The following ADAMTS19 variants were observed in gnomAD, a reference collection of about 807,000 sequenced individuals.
ADAMTS19 encodes the protein ADAM metallopeptidase with thrombospondin type 1 motif 19.
In ADAMTS19, 93 loss-of-function variants were observed where a neutral mutation model predicts 153.3. That is an observed-to-expected ratio of 0.61 (90% CI 0.51 to 0.72). ADAMTS19 has a LOEUF of 0.72. ADAMTS19 is among the 30% of genes least tolerant of loss of function. The pLI is 0.00. For missense variants in ADAMTS19, 1,482 were observed against 1,552.1 expected (o/e 0.95, Z 0.76); for synonymous variants, 600 against 556.6 (o/e 1.08, Z -1.10).
At position 129,720,182 on chromosome 5, in the gene ADAMTS19, T is replaced by A. The variant is rs1006036794; in HGVS notation, c.3313-14750T>A. Among the ~76,000 whole-genome samples, 377 of 148,940 alleles carry A rather than the reference T, an allele frequency of 2.5e-3. 1 individual carries two copies. The highest frequency in any genetic ancestry group is 4.2e-3 in the Non-Finnish European group (280 of 67,370). Reference sequence around the variant, plus strand: ...TATATATATATATATTTATTTTTTTTTTTTTTGGAGACAAAGTCTTGCTCT... The same window carrying A: ...TATATATATATATATTTATTTTTTTATTTTTTGGAGACAAAGTCTTGCTCT... On this transcript the variant is annotated intron_variant, in intron 21 of 22. Coordinates refer to ENST00000274487, the MANE Select transcript of ADAMTS19 (RefSeq NM_133638.6).
At chr5:129,513,097 A>G (rs575675834) in intron 3 of ADAMTS19, among the ~76,000 whole-genome samples, 3 of 152,082 alleles carry the variant, frequency 2.0e-5, no homozygotes, top group Non-Finnish European at 4.4e-5. Context: ...TCTGAAACTG[A>G]ACCCATCATC....
chr5:129,731,211 G>C (rs1291784445), intron 21 of ADAMTS19, among the ~76,000 whole-genome samples: 1 of 152,036 alleles, frequency 6.6e-6, no homozygotes, highest in Non-Finnish European at 1.5e-5. Context: ...GCCGGCCTCA[G>C]CCTCCCAAAG....
chr5:129,689,714 C>T (rs896830080), intron 18 of ADAMTS19, among the ~76,000 whole-genome samples: 2 of 152,118 alleles, frequency 1.3e-5, no homozygotes, highest in Non-Finnish European at 2.9e-5. Context: ...CATGAGCCAC[C>T]GTGCCTGGCC....
intron 21 of ADAMTS19, 94 bp from the exon 22 acceptor site, chr5:129,734,838 G>A (rs974377075): frequency 8.0e-6 from 9 of 1,128,320 alleles, no homozygotes; most frequent in Non-Finnish European, 1.1e-5. Flanking sequence ...TTAATTTTAA[G>A]AAACATTTAG....
At chr5:129,493,242 A>G (rs1377277972) in intron 2 of ADAMTS19, among the ~76,000 whole-genome samples, 10 of 152,104 alleles carry the variant, frequency 6.6e-5, no homozygotes. Flanking sequence ...TTTATGTGCT[A>G]TTTTTAATTG....
intron 6 of ADAMTS19, among the ~76,000 whole-genome samples, chr5:129,538,168 T>C (rs1440861136): frequency 6.6e-6 from 1 of 152,108 alleles, no homozygotes; most frequent in Non-Finnish European, 1.5e-5. Flanking sequence ...AATTTTCTCT[T>C]ATTACAAATG....
chr5:129,624,083 C>T (rs371662586), intron 10 of ADAMTS19, among the ~76,000 whole-genome samples: 5 of 140,400 alleles, frequency 3.6e-5, no homozygotes, highest in Admixed American at 7.5e-5. Flanking sequence ...GCCGAGAACG[C>T]GCCACTGCAC....
intron 3 of ADAMTS19, among the ~76,000 whole-genome samples, chr5:129,511,816 A>G (rs191061419): frequency 6.6e-6 from 1 of 152,074 alleles, no homozygotes; most frequent in African/African-American, 2.4e-5. Flanking sequence ...TTCACTTATC[A>G]TATACAAAAT....
chr5:129,506,033 C>T (rs550301013), intron 2 of ADAMTS19, among the ~76,000 whole-genome samples: 81 of 152,296 alleles, frequency 5.3e-4, no homozygotes, highest in Non-Finnish European at 1.0e-3. Flanking sequence ...TTGCCCAGCA[C>T]AGGGGCACTT....
At chr5:129,520,098 T>C (rs573724349) in intron 3 of ADAMTS19, among the ~76,000 whole-genome samples, 1 of 152,272 alleles carries the variant, frequency 6.6e-6, no homozygotes, top group East Asian at 1.9e-4. Context: ...TTTTTGTGCA[T>C]ATTTAGAGAA....
At chr5:129,574,274 CT>C (rs944897409) in intron 7 of ADAMTS19, among the ~76,000 whole-genome samples, 3 of 151,910 alleles carry the variant, frequency 2.0e-5, no homozygotes, top group Non-Finnish European at 4.4e-5. Context: ...AGACAACTAA[CT>C]TTTTTTTCGG....
chr5:129,674,960 G>A (rs541705364), intron 16 of ADAMTS19, among the ~76,000 whole-genome samples: 10 of 151,810 alleles, frequency 6.6e-5, no homozygotes, highest in African/African-American at 2.2e-4. Flanking sequence ...CTCAAATTTT[G>A]TTTGTCTGAA....
chr5:129,633,867 A>T (rs777538961), intron 10 of ADAMTS19, among the ~76,000 whole-genome samples: 1 of 152,030 alleles, frequency 6.6e-6, no homozygotes, highest in Non-Finnish European at 1.5e-5. Context: ...TTCTAATTCT[A>T]TTCCCTCTGG....
chr5:129,705,739 T>C (rs1182011132), intron 21 of ADAMTS19, among the ~76,000 whole-genome samples: 1 of 152,186 alleles, frequency 6.6e-6, no homozygotes, highest in African/African-American at 2.4e-5. Flanking sequence ...TGTTCAAGAT[T>C]TGTTTCCTTA....
chr5:129,541,477 T>C (rs1041535046), intron 6 of ADAMTS19, among the ~76,000 whole-genome samples: 3 of 152,082 alleles, frequency 2.0e-5, no homozygotes, highest in Non-Finnish European at 2.9e-5. Context: ...GATTTGATTT[T>C]ATGTGGTTCT....
At chr5:129,656,962 C>T (rs1169827735) in intron 14 of ADAMTS19, among the ~76,000 whole-genome samples, 1 of 152,348 alleles carries the variant, frequency 6.6e-6, no homozygotes, top group Admixed American at 6.5e-5. Flanking sequence ...TAGCTCTCCT[C>T]AGCTTTTTCC....
chr5:129,538,996 G>A (rs1561559422), intron 6 of ADAMTS19, among the ~76,000 whole-genome samples: 2 of 152,118 alleles, frequency 1.3e-5, no homozygotes, highest in Admixed American at 6.6e-5. Flanking sequence ...AAGAGTTGGT[G>A]TGTATGTAAA....
Position 129,576,057 on chromosome 5 carries a change from G to C in ADAMTS19, c.1373-20502G>C, listed in dbSNP as rs546128361. Among the ~76,000 whole-genome samples, 22 of 151,246 alleles carry C rather than the reference G, an allele frequency of 1.5e-4. No individual in the cohort carries two copies. The East Asian group carries it at 3.5e-3, about 24-fold the overall frequency. On this transcript the variant is annotated intron_variant, in intron 7 of 22. Coordinates refer to ENST00000274487, the MANE Select transcript of ADAMTS19 (RefSeq NM_133638.6). ...TCATCATCTTAATGCGGGGAGGAAG[G>C]GGGTGGGTGGGTCTCGGTGGTGTAG...
chr5:129,733,924 C>G (rs1594654), intron 21 of ADAMTS19, among the ~76,000 whole-genome samples: 76,988 of 150,520 alleles, frequency 0.51, 21,144 homozygotes, highest in Non-Finnish European at 0.62. Flanking sequence ...CAACAGATAA[C>G]TGGATAAAGC....
Sources: gnomAD v4.1 joint callset for allele counts (sites outside exome capture counted in the v4.1 genomes callset) on GRCh38, gnomAD v4.1.1 for gene constraint, MANE v1.5 for transcripts, NCBI Gene and HGNC (gene_info 2026-07-23, HGNC 2026-07-21) for gene names.